Variants in TSNARE1 observed in about 807,000 individuals in gnomAD.
TSNARE1 encodes the protein t-SNARE domain-containing protein 1.
A neutral mutation model predicts 62.0 loss-of-function variants in TSNARE1; 49 were observed. The observed-to-expected ratio is 0.79, with a 90% confidence interval of 0.63 to 1.00. TSNARE1 has a LOEUF of 1.00. TSNARE1 is among the 50% of genes least tolerant of loss of function. The pLI is 0.00. For missense variants in TSNARE1, 755 were observed against 700.1 expected (o/e 1.08, Z -0.88); for synonymous variants, 328 against 294.4 (o/e 1.11, Z -1.17).
rs965011609 is a variant in TSNARE1, at chr8:142,344,639, G to A, written c.239-167C>T. Among the ~76,000 whole-genome samples, 8 of 152,204 alleles carry A rather than the reference G, an allele frequency of 5.3e-5. No homozygotes were observed. In the East Asian group the frequency reaches 5.8e-4, roughly 11 times the overall value. On this transcript the variant is annotated intron_variant, in intron 3 of 13. Coordinates refer to ENST00000524325, the MANE Select transcript of TSNARE1 (RefSeq NM_145003.5). ...TGGGTGTCCAGAGACCTGGGCCCACGATCCCCTAGCCCTGACACTGCCTCA... is the reference window on the plus strand; with the variant it reads ...TGGGTGTCCAGAGACCTGGGCCCACAATCCCCTAGCCCTGACACTGCCTCA...
At chr8:142,283,854 G>A (rs1454821966) in intron 11 of TSNARE1, among the ~76,000 whole-genome samples, 1 of 141,658 alleles carries the variant, frequency 7.1e-6, no homozygotes, top group Non-Finnish European at 1.6e-5. Context: ...CAGGGTTAGT[G>A]TCTGTCAACG....
intron 1 of TSNARE1, among the ~76,000 whole-genome samples, chr8:142,387,364 T>G (rs545530942): frequency 2.3e-4 from 35 of 152,044 alleles, no homozygotes; most frequent in African/African-American, 8.2e-4. Flanking sequence ...CACCAGACAT[T>G]TAGAAAAACG....
In TSNARE1 at chr8:142,345,619, T is replaced by A. The variant is rs528111306; in HGVS notation, c.238+124A>T. 4 of 1,193,186 alleles carry A rather than the reference T, an allele frequency of 3.4e-6. No homozygotes were observed. The East Asian group carries it at 1.1e-4, about 32-fold the overall frequency. The allele number at this position is 1,193,186 out of a possible 1,614,324, so 73.9% of individuals were successfully genotyped here. A position where few individuals can be genotyped will look rare whatever the true frequency, so the allele number is the denominator to read the frequency against. On this transcript the variant is annotated intron_variant, in intron 3 of 13. Transcript: ENST00000524325. The stretch of plus-strand genomic sequence containing the variant: ...CCTGGCAGGGGGCAGGGGATGCAGG[T>A]CCCTTGCCTCCTGGTCCCAGCCTCC...
At chr8:142,360,154 CAGG>C (rs1019979787) in intron 1 of TSNARE1, among the ~76,000 whole-genome samples, 1 of 152,112 alleles carries the variant, frequency 6.6e-6, no homozygotes, top group Non-Finnish European at 1.5e-5. Context: ...CCAAGAACTC[CAGG>C]AGAAGGCAGG....
chr8:142,389,719 A>G (rs1282152358), intron 1 of TSNARE1, among the ~76,000 whole-genome samples: 1 of 152,242 alleles, frequency 6.6e-6, no homozygotes, highest in Non-Finnish European at 1.5e-5. Flanking sequence ...GGAGGGAGGG[A>G]TCCAAGGTGC....
chr8:142,223,024 CCACTCACTCATTCACT>C (rs1816503903), intron 13 of TSNARE1, among the ~76,000 whole-genome samples: 1 of 81,786 alleles, frequency 1.2e-5, no homozygotes, highest in South Asian at 3.9e-4. Context: ...ACTCACTCAG[CCACTCACTCATTCACT>C]CACTCACTCA....
intron 11 of TSNARE1, chr8:142,277,448 G>A (rs115932133): frequency 1.0e-6 from 1 of 985,422 alleles, no homozygotes; most frequent in Non-Finnish European, 1.2e-6. Context: ...GACCAGCCCT[G>A]CAGGCCTGGC....
intron 9 of TSNARE1, among the ~76,000 whole-genome samples, chr8:142,304,200 T>C (rs1484731040): frequency 6.6e-6 from 1 of 152,118 alleles, no homozygotes; most frequent in Non-Finnish European, 1.5e-5. Context: ...CTTCCTGGAG[T>C]GGGCGGGAGG....
At chr8:142,331,725 G>A (rs747553395) in intron 5 of TSNARE1, 29 bp downstream of exon 5, 1 of 1,568,496 alleles carries the variant, frequency 6.4e-7, no homozygotes, top group South Asian at 1.2e-5. Context: ...CTGGATGGAG[G>A]GGCAGGCCCA....
chr8:142,372,734 C>T (rs1243890614), intron 1 of TSNARE1, among the ~76,000 whole-genome samples: 1 of 152,164 alleles, frequency 6.6e-6, no homozygotes, highest in Non-Finnish European at 1.5e-5. Flanking sequence ...CTGAGAAGGC[C>T]ACCCCACCAG....
upstream of TSNARE1, chr8:142,404,858 C>CA (rs1161303537): frequency 6.6e-6 from 1 of 152,326 alleles, no homozygotes; most frequent in Non-Finnish European, 1.5e-5. Context: ...CCACCTCACT[C>CA]AGCCTCCTCT....
chr8:142,360,179 G>A (rs978409820), intron 1 of TSNARE1, among the ~76,000 whole-genome samples: 2 of 152,202 alleles, frequency 1.3e-5, no homozygotes, highest in Non-Finnish European at 2.9e-5. Context: ...CAGCATAAGG[G>A]GCTGCACATG....
intron 9 of TSNARE1, among the ~76,000 whole-genome samples, chr8:142,311,878 CTTAATT>C (rs1257347446): frequency 3.3e-5 from 5 of 152,062 alleles, no homozygotes; most frequent in Non-Finnish European, 4.4e-5. Flanking sequence ...CCACTAAATT[CTTAATT>C]TTAATTATAT....
chr8:142,219,778 C>T (rs979290593), intron 13 of TSNARE1, among the ~76,000 whole-genome samples: 1 of 152,244 alleles, frequency 6.6e-6, no homozygotes, highest in Non-Finnish European at 1.5e-5. Flanking sequence ...CCCCCTGCCC[C>T]TCCAGGCCTC....
At chr8:142,285,382 G>A (rs1822542948) in intron 10 of TSNARE1, among the ~76,000 whole-genome samples, 1 of 146,772 alleles carries the variant, frequency 6.8e-6, no homozygotes, top group African/African-American at 2.5e-5. Context: ...ATGTATGGAT[G>A]GGTGAATGGA....
At chr8:142,236,391 TCTCA>T (rs1817426003) in intron 12 of TSNARE1, among the ~76,000 whole-genome samples, 1 of 151,774 alleles carries the variant, frequency 6.6e-6, no homozygotes, top group African/African-American at 2.4e-5. Flanking sequence ...GGACTGGGAC[TCTCA>T]CCCGAGGTGG....
intron 9 of TSNARE1, among the ~76,000 whole-genome samples, chr8:142,313,479 ATC>A (rs200296061): frequency 7.0e-6 from 1 of 143,686 alleles, no homozygotes; most frequent in Non-Finnish European, 1.5e-5. Flanking sequence ...GTCTGTGTTT[ATC>A]TGTGTCTCTG....
At chr8:142,292,549 C>T (rs751023414) in intron 10 of TSNARE1, among the ~76,000 whole-genome samples, 69 of 152,138 alleles carry the variant, frequency 4.5e-4, no homozygotes, top group Non-Finnish European at 7.9e-4. Flanking sequence ...GCTCACCCAC[C>T]GCCCCTGGAG....
intron 12 of TSNARE1, among the ~76,000 whole-genome samples, chr8:142,267,108 T>C (rs1819172085): frequency 6.6e-6 from 1 of 152,252 alleles, no homozygotes; most frequent in Admixed American, 6.5e-5. Flanking sequence ...GTCTGATTAA[T>C]TGCAACAGCT....
Sources: allele counts gnomAD v4.1 joint callset (sites outside exome capture counted in the v4.1 genomes callset), GRCh38; gene constraint gnomAD v4.1.1; transcripts MANE v1.5; gene names NCBI Gene and HGNC (gene_info 2026-07-23, HGNC 2026-07-21).